Variants in RMND5A observed in about 807,000 individuals in gnomAD.
RMND5A encodes the protein E3 ubiquitin-protein transferase RMND5A.
Under a neutral mutation model 49.7 loss-of-function variants are expected in RMND5A, and 17 were observed. The observed-to-expected ratio is 0.34, with a 90% CI of 0.23 to 0.51. RMND5A has a LOEUF of 0.51. Ranked by LOEUF, RMND5A falls within the 20% of genes least tolerant of loss-of-function variation. The probability of loss-of-function intolerance (pLI) is 0.96; values close to 1 mark genes in which losing one functional copy is unlikely to be tolerated. For missense variants in RMND5A, 255 were observed against 471.3 expected, an observed-to-expected ratio of 0.54 and a Z score of 4.25; for synonymous variants, 156 against 167.7, an observed-to-expected ratio of 0.93 and a Z score of 0.54.
chr2:86,762,709 C>CATATATATATCATATATATATCAT (rs5832691), intron 4 of RMND5A, among the ~76,000 whole-genome samples: 5 of 25,412 alleles, frequency 2.0e-4, no homozygotes, highest in Admixed American at 6.3e-4. Context: ...TCATATATAT[C>CATATATATATCATATATATATCAT]ATATATATCA....
At chr2:86,753,186 A>G (rs1340008068) in intron 3 of RMND5A, among the ~76,000 whole-genome samples, 1 of 152,198 alleles carries the variant, frequency 6.6e-6, no homozygotes, top group Non-Finnish European at 1.5e-5. Context: ...AGAAAGGGGC[A>G]GAGTGCATAT....
At chr2:86,765,584 A>T in intron 5 of RMND5A, 1 of 384,938 alleles carries the variant, frequency 2.6e-6, no homozygotes, top group Non-Finnish European at 4.7e-6. Flanking sequence ...ATGTGATGAC[A>T]TAATTGTTAC....
intron 2 of RMND5A, among the ~76,000 whole-genome samples, chr2:86,747,219 G>C (rs1038497984): frequency 6.6e-6 from 1 of 152,174 alleles, no homozygotes; most frequent in Non-Finnish European, 1.5e-5. Context: ...AATCAGATGG[G>C]TGTGAAGTAG....
In RMND5A at chr2:86,776,350, A is replaced by T. The variant is rs1672768412; in HGVS notation, c.*2939A>T. Reference sequence around the variant, plus strand: ...AATTTGAAGAAAAGAGCCACCTCATATTCATAGGGTGTGTATTTTTTGAGT... The same window carrying T: ...AATTTGAAGAAAAGAGCCACCTCATTTTCATAGGGTGTGTATTTTTTGAGT... On this transcript the variant is annotated 3_prime_UTR_variant, in exon 9 of 9. Transcript: ENST00000283632. The T allele has an allele frequency of 2.6e-5, 4 of 152,208 alleles. No homozygotes were observed. The highest frequency in any genetic ancestry group is 1.3e-4 in the Admixed American group (2 of 15,280). 9.4% of individuals were successfully genotyped at this position (152,208 alleles called of 1,614,324 possible). A position where few individuals can be genotyped will look rare whatever the true frequency, so the allele number is the denominator to read the frequency against.
chr2:86,736,453 G>A (rs1681402776), intron 1 of RMND5A, among the ~76,000 whole-genome samples: 1 of 85,538 alleles, frequency 1.2e-5, no homozygotes, highest in South Asian at 3.4e-4. Context: ...CAAAGTGCTT[G>A]TATTACAGGC....
intron 2 of RMND5A, among the ~76,000 whole-genome samples, chr2:86,747,184 A>G (rs1461631830): frequency 6.6e-6 from 1 of 152,220 alleles, no homozygotes; most frequent in Non-Finnish European, 1.5e-5. Context: ...ACCTGGTATT[A>G]TCAGACTTCA....
chr2:86,765,861 A>T lies in RMND5A; in HGVS notation c.691A>T (p.Ile231Phe). 1 of 1,611,990 alleles carries T rather than the reference A, an allele frequency of 6.2e-7. No homozygotes were observed. The highest frequency in any genetic ancestry group is 8.5e-7 in the Non-Finnish European group (1 of 1,179,308). Residue 231 changes from isoleucine to phenylalanine, a missense_variant and splice_region_variant, in exon 6 of 9, where the codon ATT becomes TTT. Ile to Phe is a conservative substitution (Grantham distance 21). Transcript: ENST00000283632. Reference protein sequence around the residue: ...QPFALNHQKDIQVLMGSLVYL... With the variant: ...QPFALNHQKDFQVLMGSLVYL... Reference sequence around the variant, plus strand: ...TTTCTTGCTGGTGCTTTTTTTAGACATTCAGGTTTTGATGGGAAGCCTTGT... The same window carrying T: ...TTTCTTGCTGGTGCTTTTTTTAGACTTTCAGGTTTTGATGGGAAGCCTTGT...
chr2:86,771,460 T>G, intron 7 of RMND5A, 98 bp from the exon 8 acceptor site: 2 of 1,030,870 alleles, frequency 1.9e-6, no homozygotes, highest in Non-Finnish European at 2.8e-6. Context: ...GGTGAATAGA[T>G]CTGATCAATG....
Position 86,766,001 on chromosome 2 carries a change from C to T in RMND5A, c.831C>T (p.Ser277=), listed in dbSNP as rs752394594. The stretch of plus-strand genomic sequence containing the variant: ...ATGCTTGTGCCCTCCTGGGGCTCTC[C>T]GTGGAGTCCCCTCTCAGTGTCAGGT... ...TRDACALLGL[S]VESPLSVSFS... The change falls in exon 6 of 9, where the codon TCC becomes TCT. Residue 277 remains serine (S), a synonymous_variant. Coordinates refer to ENST00000283632, the MANE Select transcript of RMND5A (RefSeq NM_022780.4). 17 of 1,613,836 alleles carry T rather than the reference C, an allele frequency of 1.1e-5. No homozygotes were observed. In the East Asian group the frequency reaches 1.1e-4, roughly 11 times the overall value.
At chr2:86,765,440 G>A in intron 5 of RMND5A, 1 of 399,014 alleles carries the variant, frequency 2.5e-6, no homozygotes, top group Admixed American at 4.3e-5. Context: ...AGAGCAAGGT[G>A]TGCACTTGCT....
At chr2:86,737,621 C>T (rs1439427581) in intron 1 of RMND5A, among the ~76,000 whole-genome samples, 2 of 112,924 alleles carry the variant, frequency 1.8e-5, no homozygotes, top group Non-Finnish European at 3.4e-5. Flanking sequence ...TTTGTATCTC[C>T]AGCACTAACA....
intron 6 of RMND5A, among the ~76,000 whole-genome samples, chr2:86,766,564 C>G (rs913168964): frequency 6.7e-6 from 1 of 148,718 alleles, no homozygotes; most frequent in East Asian, 2.0e-4. Flanking sequence ...GTCGGGAAGC[C>G]GAGGCAGAAG....
chr2:86,744,661 G>A (rs1055237076), intron 2 of RMND5A, among the ~76,000 whole-genome samples: 3 of 152,104 alleles, frequency 2.0e-5, no homozygotes, highest in Non-Finnish European at 4.4e-5. Flanking sequence ...GAAGTTTCTG[G>A]TGGTGGTAGC....
intron 3 of RMND5A, 66 bp from the exon 4 acceptor site, chr2:86,753,392 C>A: frequency 2.2e-6 from 2 of 924,978 alleles, no homozygotes; most frequent in Non-Finnish European, 1.7e-6. Context: ...CTAGAATATA[C>A]TTTTACCACT....
intron 2 of RMND5A, among the ~76,000 whole-genome samples, chr2:86,750,667 T>C (rs1258310159): frequency 2.0e-5 from 3 of 152,186 alleles, no homozygotes; most frequent in African/African-American, 7.2e-5. Flanking sequence ...TGGGAAATAC[T>C]CTTCAACTAT....
chr2:86,721,321 G>C (rs1681216161), intron 1 of RMND5A, among the ~76,000 whole-genome samples: 1 of 151,930 alleles, frequency 6.6e-6, no homozygotes, highest in East Asian at 1.9e-4. Context: ...ATTTTGGAAA[G>C]TCGAGCGTTA....
At chr2:86,746,074 A>T (rs1681533713) in intron 2 of RMND5A, among the ~76,000 whole-genome samples, 1 of 152,234 alleles carries the variant, frequency 6.6e-6, no homozygotes, top group African/African-American at 2.4e-5. Flanking sequence ...GAGTAATGGT[A>T]TAAAAAAATG....
chr2:86,768,555 A>G (rs909583350), intron 6 of RMND5A, among the ~76,000 whole-genome samples: 2 of 152,208 alleles, frequency 1.3e-5, no homozygotes, highest in African/African-American at 2.4e-5. Context: ...GTTGGACTGT[A>G]TTAGAGTGGC....
In RMND5A at chr2:86,765,851, T is replaced by A. The variant is rs1455903594; in HGVS notation, c.689-8T>A. On this transcript the variant is annotated splice_polypyrimidine_tract_variant and splice_region_variant and intron_variant, in intron 5 of 8. Coordinates refer to ENST00000283632, the MANE Select transcript of RMND5A (RefSeq NM_022780.4). ...AAACTAATGCTTTCTTGCTGGTGCTTTTTTTAGACATTCAGGTTTTGATGG... is the reference window on the plus strand; with the variant it reads ...AAACTAATGCTTTCTTGCTGGTGCTATTTTTAGACATTCAGGTTTTGATGG... 1 of 1,612,340 alleles carries A rather than the reference T, an allele frequency of 6.2e-7. No individual in the cohort carries two copies. Among genetic ancestry groups the A allele is most frequent in the African/African-American group, 1.3e-5 (1 of 74,962 alleles).
Sources: allele counts gnomAD v4.1 joint callset (sites outside exome capture counted in the v4.1 genomes callset), GRCh38; gene constraint gnomAD v4.1.1; transcripts MANE v1.5; gene names NCBI Gene and HGNC (gene_info 2026-07-23, HGNC 2026-07-21).